AP1B1: variants seen among roughly 807,000 people sequenced by gnomAD.
The protein encoded by AP1B1 is adaptor related protein complex 1 subunit beta 1.
A neutral mutation model predicts 104.3 loss-of-function variants in AP1B1; 36 were observed. That is an observed-to-expected ratio of 0.35 (90% CI 0.26 to 0.46). The LOEUF (loss-of-function observed/expected upper bound fraction) is 0.46. Ranked by LOEUF, AP1B1 falls within the 20% of genes least tolerant of loss-of-function variation. The pLI is 1.00. For missense variants in AP1B1, 901 were observed against 1,247.9 expected (o/e 0.72, Z 4.19); for synonymous variants, 504 against 517.5 (o/e 0.97, Z 0.35).
In AP1B1 at chr22:29,342,315, C is replaced by A; in HGVS notation, c.1506G>T (p.Leu502=). 1 of 1,614,102 alleles carries A rather than the reference C, an allele frequency of 6.2e-7. No homozygotes were observed. Among genetic ancestry groups the A allele is most frequent in the South Asian group, 1.1e-5 (1 of 91,074 alleles). Reference sequence around the variant, plus strand: ...TGGCCAAACTGAGGACCTGCTGCACCAGCTCCTGGGTCTCTGTTGGCTTCT... The same window carrying A: ...TGGCCAAACTGAGGACCTGCTGCACAAGCTCCTGGGTCTCTGTTGGCTTCT... ...FLKKPTETQE[L]VQQVLSLATQ... Residue 502 remains leucine, a synonymous_variant, in exon 12 of 23, where the codon CTG becomes CTT. Coordinates refer to ENST00000357586, the MANE Select transcript of AP1B1 (RefSeq NM_001127.4).
intron 18 of AP1B1, 86 bp downstream of exon 18, chr22:29,331,701 C>A: frequency 1.2e-6 from 2 of 1,610,258 alleles, no homozygotes; most frequent in Non-Finnish European, 1.7e-6. Flanking sequence ...GAGCATGACT[C>A]CGCAGACACG....
chr22:29,374,260 G>C (rs2148038324), intron 1 of AP1B1, among the ~76,000 whole-genome samples: 1 of 131,314 alleles, frequency 7.6e-6, no homozygotes, highest in East Asian at 2.3e-4. Context: ...GAGAAGAAAG[G>C]AAGAATGAAA....
chr22:29,358,981 A>C lies in AP1B1; in HGVS notation c.280-10T>G. The C allele has an allele frequency of 6.3e-7, 1 of 1,599,408 alleles. No individual in the cohort carries two copies. Among genetic ancestry groups the C allele is most frequent in the Non-Finnish European group, 8.5e-7 (1 of 1,172,552 alleles). ...TGGGGTCCTCACAGTCCTGGGGGGA[A>C]CCAGCCATCGGCCAGGGCAGGGGTG... On this transcript the variant is annotated splice_polypyrimidine_tract_variant and intron_variant, in intron 4 of 22. Coordinates refer to ENST00000357586, the MANE Select transcript of AP1B1 (RefSeq NM_001127.4).
At chr22:29,357,458 T>C (rs1176603432) in intron 5 of AP1B1, among the ~76,000 whole-genome samples, 1 of 152,138 alleles carries the variant, frequency 6.6e-6, no homozygotes, top group East Asian at 1.9e-4. Context: ...CTCTGCCTCC[T>C]GGGCTCAAGC....
chr22:29,360,006 A>G, intron 3 of AP1B1, 47 bp from the exon 4 acceptor site: 1 of 1,588,464 alleles, frequency 6.3e-7, no homozygotes, highest in Non-Finnish European at 8.6e-7. Flanking sequence ...GAACAAAGGA[A>G]GAGGAAGATT....
intron 3 of AP1B1, among the ~76,000 whole-genome samples, chr22:29,362,213 G>C (rs1026539483): frequency 2.0e-5 from 3 of 152,266 alleles, no homozygotes; most frequent in African/African-American, 7.2e-5. Context: ...AGGTGCGACA[G>C]AGGCTGCACA....
Position 29,328,986 on chromosome 22 carries a change from T to C in AP1B1, c.2776-91A>G. ...GGGTGGGGAAGAGAGCAGGAACCAATGGGACAGCGTGGAGTGCACACAGCC... is the reference window on the plus strand; with the variant it reads ...GGGTGGGGAAGAGAGCAGGAACCAACGGGACAGCGTGGAGTGCACACAGCC... On this transcript the variant is annotated intron_variant, in intron 22 of 22. Coordinates refer to ENST00000357586, the MANE Select transcript of AP1B1 (RefSeq NM_001127.4). This position sits in a 1 kb window ranked among gnomAD's most constrained non-coding sequence, Gnocchi z 4.1. The C allele has an allele frequency of 6.5e-7, 1 of 1,535,670 alleles. No homozygotes were observed. The highest frequency in any genetic ancestry group is 1.4e-5 in the African/African-American group (1 of 73,704).
intron 3 of AP1B1, among the ~76,000 whole-genome samples, chr22:29,360,664 A>G (rs1359354688): frequency 6.6e-6 from 1 of 152,232 alleles, no homozygotes; most frequent in East Asian, 1.9e-4. Flanking sequence ...ATTTCAGAGA[A>G]CACTGAGGTT....
chr22:29,387,207 A>G (rs1316847177), intron 1 of AP1B1, among the ~76,000 whole-genome samples: 2 of 152,244 alleles, frequency 1.3e-5, no homozygotes, highest in African/African-American at 4.8e-5. Flanking sequence ...GTTTTATCCT[A>G]AAGAAAGTAA....
intron 16 of AP1B1, among the ~76,000 whole-genome samples, chr22:29,336,642 A>G (rs989570399): frequency 1.3e-5 from 2 of 152,150 alleles, no homozygotes; most frequent in African/African-American, 4.8e-5. Context: ...TCTTTACTAA[A>G]AATACAAATA....
At chr22:29,376,873 A>T (rs1236775468) in intron 1 of AP1B1, among the ~76,000 whole-genome samples, 2 of 151,528 alleles carry the variant, frequency 1.3e-5, no homozygotes, top group African/African-American at 4.9e-5. Context: ...GCTATTCACC[A>T]CTCCTCATTT....
intron 11 of AP1B1, among the ~76,000 whole-genome samples, chr22:29,345,569 T>A (rs2147967595): frequency 6.7e-6 from 1 of 149,940 alleles, no homozygotes. Context: ...GAGGTCTCAC[T>A]ATGTTGCCCA....
intron 14 of AP1B1, among the ~76,000 whole-genome samples, chr22:29,340,154 A>T (rs943193455): frequency 2.0e-5 from 3 of 152,040 alleles, no homozygotes; most frequent in Admixed American, 1.3e-4. Flanking sequence ...GGAGATACCC[A>T]AGTCAGTCTC....
At chr22:29,379,961 A>T (rs771942818) in intron 1 of AP1B1, among the ~76,000 whole-genome samples, 1 of 152,214 alleles carries the variant, frequency 6.6e-6, no homozygotes, top group African/African-American at 2.4e-5. Flanking sequence ...TAAGGCCAAA[A>T]CAAGAAGTCT....
chr22:29,378,634 C>A (rs1050835118), intron 1 of AP1B1, among the ~76,000 whole-genome samples: 1 of 146,856 alleles, frequency 6.8e-6, no homozygotes, highest in Non-Finnish European at 1.5e-5. Context: ...CCGAGGCGGG[C>A]GGATCATGAG....
chr22:29,341,302 T>G (rs147362504), intron 13 of AP1B1, among the ~76,000 whole-genome samples, 199 bp downstream of exon 13: 53 of 152,358 alleles, frequency 3.5e-4, no homozygotes, highest in African/African-American at 1.3e-3. Flanking sequence ...ATGGGGACAT[T>G]TGCTCTCAGC....
Position 29,331,869 on chromosome 22 carries a change from C to T in AP1B1, c.2357G>A (p.Ser786Asn). The change falls in exon 18 of 23, where the codon AGC (serine) becomes AAC (asparagine). Residue 786 changes from serine (S) to asparagine (N), a missense_variant. This residue lies in a region of AP1B1 where 424 missense variants were observed against 494.0 expected (regional missense o/e 0.86). Coordinates refer to ENST00000357586, the MANE Select transcript of AP1B1 (RefSeq NM_001127.4). ...GGAGATCTCCACTGTCTGGTTGGGG[C>T]TGAGTGGCGCGTGGACCTGGAGGGG... ...AAPLQVHAPL[S>N]PNQTVEISLP... 1 of 1,613,434 alleles carries T rather than the reference C, an allele frequency of 6.2e-7. No individual in the cohort carries two copies. Among genetic ancestry groups the T allele is most frequent in the Non-Finnish European group, 8.5e-7 (1 of 1,179,618 alleles).
chr22:29,382,792 C>A (rs957580973), intron 1 of AP1B1, among the ~76,000 whole-genome samples: 2 of 152,030 alleles, frequency 1.3e-5, no homozygotes, highest in Admixed American at 6.6e-5. Context: ...GTGAATGTGG[C>A]TGAGTGAGCA....
At chr22:29,329,895 G>C in intron 21 of AP1B1, 175 bp from the exon 22 acceptor site, 2 of 1,455,470 alleles carry the variant, frequency 1.4e-6, no homozygotes, top group Non-Finnish European at 1.8e-6. Context: ...GTGTGGGGGA[G>C]AAGCAGAGTT....
Sources: allele counts gnomAD v4.1 joint callset (sites outside exome capture counted in the v4.1 genomes callset), GRCh38; gene constraint gnomAD v4.1.1; regional missense constraint gnomAD v4.1.1; non-coding constraint Gnocchi (gnomAD v3.1); transcripts MANE v1.5; gene names NCBI Gene and HGNC (gene_info 2026-07-23, HGNC 2026-07-21).